The following KIAA1614 variants were observed in gnomAD, a reference collection of about 807,000 sequenced individuals.
The protein encoded by KIAA1614 is KIAA1614.
KIAA1614 carries 76 observed loss-of-function variants against 88.7 expected under a neutral mutation model. The observed-to-expected ratio is 0.86, with a 90% CI of 0.71 to 1.04. The LOEUF is 1.04. Ranked by LOEUF, KIAA1614 falls within the 50% of genes least tolerant of loss-of-function variation. The probability of loss-of-function intolerance (pLI) is 0.00; values close to 1 mark genes in which losing one functional copy is unlikely to be tolerated. For missense variants in KIAA1614, 1,553 were observed against 1,582.5 expected, an observed-to-expected ratio of 0.98 and a Z score of 0.32; for synonymous variants, 714 against 675.5, an observed-to-expected ratio of 1.06 and a Z score of -0.88.
chr1:180,926,570 C>G (rs1322213005), intron 3 of KIAA1614, among the ~76,000 whole-genome samples: 2 of 152,112 alleles, frequency 1.3e-5, no homozygotes, highest in African/African-American at 4.8e-5. Flanking sequence ...GGGGGCAAGG[C>G]TGATCCTGGC....
chr1:180,917,001 A>G lies in KIAA1614; in HGVS notation c.898A>G (p.Asn300Asp). 6.2e-7 allele frequency: 1 copy of G among 1,614,018 alleles called. No homozygotes were observed. Among genetic ancestry groups the G allele is most frequent in the Non-Finnish European group, 8.5e-7 (1 of 1,180,026 alleles). The change falls in exon 2 of 9, where the codon AAC (asparagine) becomes GAC (aspartate). Residue 300 changes from asparagine to aspartate, a missense_variant. Asn to Asp is a conservative substitution (Grantham distance 23). Transcript: ENST00000367588. Reference protein sequence around the residue: ...VLSLSDRVERNRLLLQEMLNV... With the variant: ...VLSLSDRVERDRLLLQEMLNV... Reference sequence around the variant, plus strand: ...GTCCCTGTCTGATCGGGTGGAGAGAAACCGCCTGTTGCTGCAGGAGATGCT... The same window carrying G: ...GTCCCTGTCTGATCGGGTGGAGAGAGACCGCCTGTTGCTGCAGGAGATGCT...
chr1:180,944,230 A>G (rs1654532307), intron 7 of KIAA1614, 159 bp from the exon 8 acceptor site: 1 of 672,304 alleles, frequency 1.5e-6, no homozygotes, highest in South Asian at 1.9e-5. Flanking sequence ...GATGTCCTTG[A>G]GTAAGTCATG....
chr1:180,935,481 C>A lies in KIAA1614; in HGVS notation c.1572C>A (p.His524Gln). 6.7e-7 allele frequency: 1 copy of A among 1,481,982 alleles called. No homozygotes were observed. Among genetic ancestry groups the A allele is most frequent in the Non-Finnish European group, 8.9e-7 (1 of 1,121,560 alleles). 91.8% of individuals were successfully genotyped at this position (1,481,982 alleles called of 1,614,324 possible). ...RLVGSLDRRG[H>Q]PAPPAPGSER... is the part of the protein sequence containing the mutation. ...TGGGCAGCCTGGACCGCAGGGGACA[C>A]CCGGCACCGCCGGCACCGGGCAGCG... The change falls in exon 5 of 9, where the codon CAC becomes CAA. Residue 524 changes from histidine to glutamine, a missense_variant. Coordinates refer to ENST00000367588, the MANE Select transcript of KIAA1614 (RefSeq NM_020950.2). This position sits in a 1 kb window ranked among gnomAD's most constrained non-coding sequence, Gnocchi z 6.1.
Position 180,936,188 on chromosome 1 carries a change from C to G in KIAA1614, c.2279C>G (p.Pro760Arg). The change falls in exon 5 of 9, where the codon CCA becomes CGA. Residue 760 changes from proline (P) to arginine (R), a missense_variant. Coordinates refer to ENST00000367588, the MANE Select transcript of KIAA1614 (RefSeq NM_020950.2). ...CCCATGACGCCTGAATCATCGGGGC[C>G]AGGAGGCCAGGCCCAGGTTACAGAA... ...TAPMTPESSG[P>R]GGQAQVTESH... 6.2e-7 allele frequency: 1 copy of G among 1,614,138 alleles called. No individual in the cohort carries two copies. The highest frequency in any genetic ancestry group is 8.5e-7 in the Non-Finnish European group (1 of 1,180,014).
At chr1:180,920,314 C>G (rs1460513364) in intron 3 of KIAA1614, among the ~76,000 whole-genome samples, 1 of 152,258 alleles carries the variant, frequency 6.6e-6, no homozygotes, top group Admixed American at 6.5e-5. Flanking sequence ...GGCATGCTTC[C>G]CTCGGCTCTA....
intron 3 of KIAA1614, 103 bp downstream of exon 3, chr1:180,918,017 G>A: frequency 1.1e-6 from 1 of 952,266 alleles, no homozygotes; most frequent in Non-Finnish European, 1.7e-6. Flanking sequence ...TGAGAGGGCA[G>A]GCAGACTCCT....
chr1:180,924,432 G>A (rs1166209731), intron 3 of KIAA1614, among the ~76,000 whole-genome samples: 3 of 152,232 alleles, frequency 2.0e-5, no homozygotes, highest in African/African-American at 7.2e-5. Context: ...TCATCTTCAG[G>A]AAGGCAGGGG....
chr1:180,933,394 G>A (rs1654245189), intron 4 of KIAA1614, among the ~76,000 whole-genome samples: 1 of 152,198 alleles, frequency 6.6e-6, no homozygotes, highest in South Asian at 2.1e-4. Context: ...CTGTGCATCA[G>A]TTGGACCTAC....
intron 3 of KIAA1614, among the ~76,000 whole-genome samples, chr1:180,919,505 C>T (rs1288043416): frequency 1.3e-5 from 2 of 152,120 alleles, no homozygotes; most frequent in East Asian, 1.9e-4. Flanking sequence ...TGTGCGGAGC[C>T]CTGGAGGAGA....
chr1:180,933,773 T>G (rs1284407688), intron 4 of KIAA1614, among the ~76,000 whole-genome samples: 1 of 152,066 alleles, frequency 6.6e-6, no homozygotes, highest in African/African-American at 2.4e-5. Context: ...AGCACAGCAG[T>G]GCCATCCCCA....
In KIAA1614 at chr1:180,916,696, A is replaced by G; in HGVS notation, c.593A>G (p.Asp198Gly). 1 of 1,611,462 alleles carries G rather than the reference A, an allele frequency of 6.2e-7. No homozygotes were observed. Among genetic ancestry groups the G allele is most frequent in the East Asian group, 2.2e-5 (1 of 44,846 alleles). Residue 198 changes from aspartate to glycine, a missense_variant, in exon 2 of 9, where the codon GAC becomes GGC. Asp to Gly is a moderately conservative substitution (Grantham distance 94). Transcript: ENST00000367588. Reference protein sequence around the residue: ...PEAEWTLPDHDRGPLLGPSSL... With the variant: ...PEAEWTLPDHGRGPLLGPSSL... The stretch of plus-strand genomic sequence containing the variant: ...GCCGAATGGACACTTCCTGACCATG[A>G]CAGAGGTCCGCTGCTGGGGCCCAGC...
chr1:180,926,955 C>T (rs1183338295), intron 3 of KIAA1614, among the ~76,000 whole-genome samples: 2 of 152,216 alleles, frequency 1.3e-5, no homozygotes, highest in Non-Finnish European at 2.9e-5. Flanking sequence ...CCAGGGTTCA[C>T]AGGCACAGAT....
chr1:180,942,388 A>G (rs1182873923), intron 7 of KIAA1614, among the ~76,000 whole-genome samples: 1 of 152,152 alleles, frequency 6.6e-6, no homozygotes, highest in Non-Finnish European at 1.5e-5. Context: ...TGTTTCTCCT[A>G]ATTCCCTCCC....
intron 4 of KIAA1614, among the ~76,000 whole-genome samples, chr1:180,928,868 C>T (rs1319129389): frequency 6.6e-6 from 1 of 152,184 alleles, no homozygotes; most frequent in Non-Finnish European, 1.5e-5. Context: ...ATTATGTGGA[C>T]TGTGGTGTGA....
At chr1:180,917,316 T>A in intron 2 of KIAA1614, among the ~76,000 whole-genome samples, 1 of 152,192 alleles carries the variant, frequency 6.6e-6, no homozygotes, top group East Asian at 1.9e-4. Context: ...AAGCCCCCCA[T>A]GACCCTGCAG....
Position 180,916,498 on chromosome 1 carries a change from G to T in KIAA1614, c.395G>T (p.Gly132Val). The change falls in exon 2 of 9, where the codon GGG (glycine) becomes GTG (valine). Residue 132 changes from glycine to valine, a missense_variant. Physicochemically the swap from Gly to Val is moderately radical, Grantham distance 109 (BLOSUM62 -3). Transcript: ENST00000367588. ...GGGAGAGCCGGGACTCCATCAGAGG[G>T]GTCTTTCCTGCCAGGTGCTGTGGTG... ...KAGRAGTPSE[G>V]SFLPGAVVAP... is the part of the protein sequence containing the mutation. 1 of 1,614,060 alleles carries T rather than the reference G, an allele frequency of 6.2e-7. No individual in the cohort carries two copies.
chr1:180,935,861 G>A lies in KIAA1614; in HGVS notation c.1952G>A (p.Gly651Asp). The change falls in exon 5 of 9, where the codon GGC becomes GAC. Residue 651 changes from glycine (G) to aspartate (D), a missense_variant. By Grantham distance (94) the Gly-to-Asp change is moderately conservative. Coordinates refer to ENST00000367588, the MANE Select transcript of KIAA1614 (RefSeq NM_020950.2). The surrounding 1 kb of genome is among the most constrained non-coding windows in gnomAD (Gnocchi z 6.1). ...AGCAGCCCGCGACTGCGACTGCGGG[G>A]CTCCAGGCCTCGAGGCCACAGGTGG... Reference protein sequence around the residue: ...QGSSPRLRLRGSRPRGHRWSK... With the variant: ...QGSSPRLRLRDSRPRGHRWSK... 6.2e-7 allele frequency: 1 copy of A among 1,613,774 alleles called. No individual in the cohort carries two copies. Among genetic ancestry groups the A allele is most frequent in the Non-Finnish European group, 8.5e-7 (1 of 1,179,912 alleles).
Position 180,916,305 on chromosome 1 carries a change from CA to C in KIAA1614, c.203del (p.Gln68ArgfsTer20). The C allele has an allele frequency of 6.2e-7, 1 of 1,614,014 alleles. No homozygotes were observed. The highest frequency in any genetic ancestry group is 8.5e-7 in the Non-Finnish European group (1 of 1,179,976). Reference sequence around the variant, plus strand: ...CAGAACATCCAGCCTGATGGCCCCCCAGCCTCCCAGGGTATGGGGAGTACAG... The same window carrying C: ...CAGAACATCCAGCCTGATGGCCCCCCGCCTCCCAGGGTATGGGGAGTACAG... ...ENRTSSLMAP[Q>X]PPRVWGVQLQ... is the part of the protein sequence containing the mutation. On this transcript the variant is annotated frameshift_variant, in exon 2 of 9. Transcript: ENST00000367588. LOFTEE classifies it high-confidence loss of function.
chr1:180,935,253 G>T lies in KIAA1614; in HGVS notation c.1344G>T (p.Ser448=), dbSNP rs759457976. The T allele has an allele frequency of 2.0e-5, 31 of 1,523,988 alleles. No individual in the cohort carries two copies. The highest frequency in any genetic ancestry group is 2.5e-5 in the Non-Finnish European group (29 of 1,139,266). The allele number at this position is 1,523,988 out of a possible 1,614,324, so 94.4% of individuals were successfully genotyped here. ...GGCCGAGGCGGGGCCCCTCGCCGTC[G>T]CACGTGCGCTTTGAGGATGAGTCCG... ...GHRPRRGPSP[S]HVRFEDESAR... Residue 448 remains serine (S), a synonymous_variant, in exon 5 of 9, where the codon TCG becomes TCT. Coordinates refer to ENST00000367588, the MANE Select transcript of KIAA1614 (RefSeq NM_020950.2). The surrounding 1 kb of genome is among the most constrained non-coding windows in gnomAD (Gnocchi z 6.1).
Sources: allele counts gnomAD v4.1 joint callset (sites outside exome capture counted in the v4.1 genomes callset), GRCh38; gene constraint gnomAD v4.1.1; non-coding constraint Gnocchi (gnomAD v3.1); transcripts MANE v1.5; gene names NCBI Gene and HGNC (gene_info 2026-07-23, HGNC 2026-07-21).